Variants in RNLS observed in about 807,000 individuals in gnomAD.
RNLS encodes renalase, FAD dependent amine oxidase, also known as renalase.
In RNLS, 39 loss-of-function variants were observed where a neutral mutation model predicts 39.8. That is an observed-to-expected ratio of 0.98 (90% CI 0.76 to 1.28). RNLS has a LOEUF of 1.28. Among genes scored for constraint, RNLS ranks in the 50% most tolerant of loss-of-function variants. RNLS has a pLI of 0.00. For missense variants in RNLS, 410 were observed against 413.3 expected (o/e 0.99, Z 0.07); for synonymous variants, 147 against 150.7 (o/e 0.98, Z 0.18).
intron 4 of RNLS, among the ~76,000 whole-genome samples, chr10:88,541,463 C>G (rs569057996): frequency 6.6e-6 from 1 of 152,064 alleles, no homozygotes; most frequent in African/African-American, 2.4e-5. Flanking sequence ...TTTATTAATA[C>G]GTAGTATGTT....
At chr10:88,188,731 A>G in the RNLS span, among the ~76,000 whole-genome samples, 3 of 152,216 alleles carry the variant, frequency 2.0e-5, no homozygotes, top group Non-Finnish European at 4.4e-5. Context: ...GATGCACCAT[A>G]GACACAAGAC....
intron 5 of RNLS, among the ~76,000 whole-genome samples, chr10:88,350,149 T>A (rs1848581128): frequency 6.6e-6 from 1 of 152,252 alleles, no homozygotes; most frequent in Admixed American, 6.5e-5. Context: ...TTTGTTCTAC[T>A]TAAAAAGTTT....
intron 4 of RNLS, among the ~76,000 whole-genome samples, chr10:88,524,276 T>C (rs535715995): frequency 2.0e-5 from 3 of 152,244 alleles, no homozygotes; most frequent in Non-Finnish European, 1.5e-5. Flanking sequence ...GTCAGCTTCA[T>C]GTATATATTG....
intron 6 of RNLS, among the ~76,000 whole-genome samples, chr10:88,307,325 G>A (rs1844998769): frequency 6.6e-6 from 1 of 152,062 alleles, no homozygotes; most frequent in African/African-American, 2.4e-5. Flanking sequence ...GGCCCACCTG[G>A]GCAATCAGGC....
intron 4 of RNLS, among the ~76,000 whole-genome samples, chr10:88,566,112 G>T (rs530241451): frequency 1.5e-4 from 22 of 151,690 alleles, no homozygotes; most frequent in Non-Finnish European, 2.4e-4. Flanking sequence ...TCAAAAAATC[G>T]TAAAGAAGAA....
chr10:88,445,388 T>C (rs1406602227), intron 4 of RNLS, among the ~76,000 whole-genome samples: 1 of 152,196 alleles, frequency 6.6e-6, no homozygotes, highest in Non-Finnish European at 1.5e-5. Context: ...AGACCATCAA[T>C]GCTAGGAAGA....
At chr10:88,487,070 G>T (rs1564840286) in intron 4 of RNLS, among the ~76,000 whole-genome samples, 1 of 152,142 alleles carries the variant, frequency 6.6e-6, no homozygotes, top group Admixed American at 6.6e-5. Context: ...CATGGATGAA[G>T]CCAGAGGCCA....
chr10:88,580,286 T>C (rs890205240), intron 3 of RNLS, among the ~76,000 whole-genome samples: 3 of 152,182 alleles, frequency 2.0e-5, no homozygotes, highest in African/African-American at 7.2e-5. Flanking sequence ...TAGTCTAACA[T>C]ACCATCTATA....
the RNLS span, among the ~76,000 whole-genome samples, chr10:88,214,315 G>A: frequency 6.6e-6 from 1 of 152,122 alleles, no homozygotes; most frequent in Non-Finnish European, 1.5e-5. Flanking sequence ...GCAAAACAGA[G>A]CTAAGCTGCC....
chr10:88,551,609 T>C (rs1317022266), intron 4 of RNLS, among the ~76,000 whole-genome samples: 4 of 152,104 alleles, frequency 2.6e-5, no homozygotes, highest in Non-Finnish European at 2.9e-5. Flanking sequence ...CTTGTGATCA[T>C]AATACACATG....
chr10:88,261,771 C>G, the RNLS span, among the ~76,000 whole-genome samples: 1 of 152,212 alleles, frequency 6.6e-6, no homozygotes, highest in South Asian at 2.1e-4. Flanking sequence ...GAATGAACAA[C>G]ACAGTGACCA....
intron 6 of RNLS, among the ~76,000 whole-genome samples, chr10:88,299,650 C>T (rs1214407728): frequency 6.6e-6 from 1 of 152,100 alleles, no homozygotes; most frequent in East Asian, 1.9e-4. Context: ...TTTACTAAAT[C>T]CAAGGTCTTA....
chr10:88,510,575 T>A (rs1846061485), intron 4 of RNLS, among the ~76,000 whole-genome samples: 1 of 152,130 alleles, frequency 6.6e-6, no homozygotes, highest in Non-Finnish European at 1.5e-5. Flanking sequence ...TAAGTAATAG[T>A]TAATATTTTA....
chr10:88,281,019 AT>A (rs1385968310), downstream of RNLS, among the ~76,000 whole-genome samples: 5 of 152,164 alleles, frequency 3.3e-5, no homozygotes, highest in African/African-American at 4.8e-5. Flanking sequence ...ATTACTGTCT[AT>A]TGAGAAGGAA....
intron 4 of RNLS, among the ~76,000 whole-genome samples, chr10:88,544,732 T>C (rs1168213339): frequency 1.3e-5 from 2 of 152,194 alleles, no homozygotes; most frequent in Non-Finnish European, 2.9e-5. Flanking sequence ...GAATGGTATA[T>C]AGCCACTCTA....
the RNLS span, among the ~76,000 whole-genome samples, chr10:88,175,511 C>A: frequency 6.6e-6 from 1 of 152,082 alleles, no homozygotes; most frequent in Non-Finnish European, 1.5e-5. Flanking sequence ...ATTGGTTATT[C>A]AGGAAGATAT....
At chr10:88,514,984 C>T (rs1370626873) in intron 4 of RNLS, among the ~76,000 whole-genome samples, 1 of 152,038 alleles carries the variant, frequency 6.6e-6, no homozygotes, top group African/African-American at 2.4e-5. Flanking sequence ...AGTGGCTGTT[C>T]ATTCTACATT....
intron 4 of RNLS, among the ~76,000 whole-genome samples, chr10:88,475,981 C>T (rs2133996893): frequency 6.6e-6 from 1 of 152,234 alleles, no homozygotes; most frequent in South Asian, 2.1e-4. Context: ...CTCTACAGGA[C>T]ATTACTCTTT....
chr10:88,354,368 C>T (rs1202423240), intron 5 of RNLS, among the ~76,000 whole-genome samples: 2 of 152,080 alleles, frequency 1.3e-5, no homozygotes. Flanking sequence ...TGTTCCTTTC[C>T]ATGTTTAGTG....
Sources: allele counts gnomAD v4.1 joint callset (sites outside exome capture counted in the v4.1 genomes callset), GRCh38; gene constraint gnomAD v4.1.1; transcripts MANE v1.5; gene names NCBI Gene and HGNC (gene_info 2026-07-23, HGNC 2026-07-21).